The following ZNF521 variants were observed in gnomAD, a reference collection of about 807,000 sequenced individuals.
ZNF521 encodes the protein LYST-interacting protein 3.
A neutral mutation model predicts 105.5 loss-of-function variants in ZNF521; 14 were observed. That is an observed-to-expected ratio of 0.13 (90% CI 0.09 to 0.21). The LOEUF (loss-of-function observed/expected upper bound fraction) is 0.21. Ranked by LOEUF, ZNF521 falls within the 10% of genes least tolerant of loss-of-function variation. The pLI is 1.00. For synonymous variants in ZNF521, 635 were observed against 606.0 expected (o/e 1.05, Z -0.70); for missense variants, 1,233 against 1,629.7 (o/e 0.76, Z 4.19).
chr18:25,077,234 A>C (rs2033383213), intron 7 of ZNF521, among the ~76,000 whole-genome samples: 1 of 152,232 alleles, frequency 6.6e-6, no homozygotes, highest in Non-Finnish European at 1.5e-5. Flanking sequence ...ACTGAAGGGA[A>C]GAAAGAACGT....
chr18:25,333,414 C>G (rs1181002767), intron 2 of ZNF521, among the ~76,000 whole-genome samples: 2 of 151,688 alleles, frequency 1.3e-5, no homozygotes. Context: ...GCTCATCTTA[C>G]TTTTAAAAGA....
At chr18:25,095,422 G>A (rs1293018474) in intron 5 of ZNF521, among the ~76,000 whole-genome samples, 2 of 152,112 alleles carry the variant, frequency 1.3e-5, no homozygotes, top group African/African-American at 4.8e-5. Flanking sequence ...AGAGTCAATT[G>A]ATTTAATAAC....
intron 5 of ZNF521, among the ~76,000 whole-genome samples, chr18:25,159,687 C>A (rs966709425): frequency 1.3e-5 from 2 of 152,146 alleles, no homozygotes; most frequent in Admixed American, 1.3e-4. Flanking sequence ...AAGCTGTGAA[C>A]CTTGATAGGG....
chr18:25,333,322 A>C (rs200454288), intron 2 of ZNF521, among the ~76,000 whole-genome samples: 4,383 of 139,288 alleles, frequency 0.031, 163 homozygotes, highest in East Asian at 0.23. Context: ...CTCTATATAT[A>C]TATATATATA....
intron 5 of ZNF521, among the ~76,000 whole-genome samples, chr18:25,106,678 C>T (rs530745230): frequency 6.6e-6 from 1 of 152,218 alleles, no homozygotes; most frequent in Non-Finnish European, 1.5e-5. Flanking sequence ...TTGTGTGTTG[C>T]TTAAATATTA....
intron 5 of ZNF521, among the ~76,000 whole-genome samples, chr18:25,172,027 T>TG (rs1215880326): frequency 7.9e-5 from 12 of 151,348 alleles, no homozygotes; most frequent in African/African-American, 1.5e-4. Flanking sequence ...AGTTCTCTTT[T>TG]GGGGGGGAAG....
chr18:25,096,438 G>A (rs1385015366), intron 5 of ZNF521, among the ~76,000 whole-genome samples: 1 of 152,170 alleles, frequency 6.6e-6, no homozygotes, highest in Non-Finnish European at 1.5e-5. Flanking sequence ...GGATGCTCAA[G>A]CACAGGTTTA....
chr18:25,111,075 A>G (rs367549486), intron 5 of ZNF521, among the ~76,000 whole-genome samples: 9 of 151,804 alleles, frequency 5.9e-5, no homozygotes, highest in Non-Finnish European at 1.3e-4. Context: ...TTTTCCTTTT[A>G]TTTAGCAGGG....
chr18:25,280,636 G>A (rs929979866), intron 3 of ZNF521, among the ~76,000 whole-genome samples: 2 of 152,152 alleles, frequency 1.3e-5, no homozygotes, highest in South Asian at 4.1e-4. Flanking sequence ...GGAAGGGACA[G>A]TAGAGCCCAC....
intron 3 of ZNF521, among the ~76,000 whole-genome samples, chr18:25,266,401 A>G (rs964374553): frequency 1.3e-5 from 2 of 152,240 alleles, no homozygotes; most frequent in Non-Finnish European, 2.9e-5. Context: ...TGAATGACTG[A>G]TAACAATTTA....
In ZNF521 at chr18:25,089,575, C is replaced by T; in HGVS notation, c.3796G>A (p.Val1266Ile). 6.2e-7 allele frequency: 1 copy of T among 1,612,690 alleles called. No homozygotes were observed. Among genetic ancestry groups the T allele is most frequent in the Non-Finnish European group, 8.5e-7 (1 of 1,178,718 alleles). The change falls in exon 7 of 8, where the codon GTT becomes ATT. Residue 1266 changes from valine to isoleucine, a missense_variant. Val to Ile is a conservative substitution (Grantham distance 29). This residue lies in a region of ZNF521 where 76 missense variants were observed against 137.2 expected (regional missense o/e 0.55). Transcript: ENST00000361524. ...TGCTGCTGCAACTTGTTTGCTTGAA[C>T]AAATACTGAAATGATAAAAGAATGA... ...FKCPVCFTVFVQANKLQQHIF... is the reference protein window; with the variant it reads ...FKCPVCFTVFIQANKLQQHIF...
intron 3 of ZNF521, among the ~76,000 whole-genome samples, chr18:25,293,609 C>A (rs114559637): frequency 1.9e-3 from 288 of 152,304 alleles, no homozygotes; most frequent in African/African-American, 6.5e-3. Context: ...ATACTCTTCA[C>A]AACACTTGGA....
At chr18:25,105,607 C>T (rs1008645021) in intron 5 of ZNF521, among the ~76,000 whole-genome samples, 4 of 152,108 alleles carry the variant, frequency 2.6e-5, no homozygotes, top group African/African-American at 7.2e-5. Context: ...GGTTTATATA[C>T]ATCCATTCTC....
At chr18:25,255,129 T>C (rs1405900802) in intron 3 of ZNF521, among the ~76,000 whole-genome samples, 2 of 152,180 alleles carry the variant, frequency 1.3e-5, no homozygotes, top group Non-Finnish European at 2.9e-5. Flanking sequence ...TATGCAGTTG[T>C]AGCATATGCT....
intron 3 of ZNF521, among the ~76,000 whole-genome samples, chr18:25,298,569 A>G (rs1453630353): frequency 6.6e-6 from 1 of 152,188 alleles, no homozygotes; most frequent in Non-Finnish European, 1.5e-5. Flanking sequence ...GCCCTTAAGA[A>G]TGTATTCAAT....
chr18:25,084,909 T>C (rs1174070621), intron 7 of ZNF521, among the ~76,000 whole-genome samples: 1 of 152,160 alleles, frequency 6.6e-6, no homozygotes, highest in Admixed American at 6.5e-5. Context: ...ATAAACCACT[T>C]TGGATACAAA....
At chr18:25,303,282 G>A (rs1048234043) in intron 3 of ZNF521, among the ~76,000 whole-genome samples, 4 of 111,502 alleles carry the variant, frequency 3.6e-5, no homozygotes, top group Non-Finnish European at 5.3e-5. Flanking sequence ...GTGTGTGTGT[G>A]TGTGTGTGTG....
At chr18:25,316,897 T>C (rs1184366349) in intron 3 of ZNF521, among the ~76,000 whole-genome samples, 1 of 147,258 alleles carries the variant, frequency 6.8e-6, no homozygotes, top group Non-Finnish European at 1.5e-5. Context: ...TCTTGTCGCC[T>C]AGGCTAGAGA....
chr18:25,092,348 G>A (rs2033764496), intron 5 of ZNF521, among the ~76,000 whole-genome samples: 1 of 152,082 alleles, frequency 6.6e-6, no homozygotes. Context: ...TATAATTGGT[G>A]TATCAATAAT....
Sources: allele counts gnomAD v4.1 joint callset (sites outside exome capture counted in the v4.1 genomes callset), GRCh38; gene constraint gnomAD v4.1.1; regional missense constraint gnomAD v4.1.1; transcripts MANE v1.5; gene names NCBI Gene and HGNC (gene_info 2026-07-23, HGNC 2026-07-21).